Variants in BRWD3 observed in about 807,000 individuals in gnomAD.
The protein encoded by BRWD3 is bromodomain and WD repeat domain containing 3, also known as bromodomain and WD repeat-containing protein 3.
Under a neutral mutation model 149.7 loss-of-function variants are expected in BRWD3, and 10 were observed. That is an observed-to-expected ratio of 0.07 (90% CI 0.04 to 0.11). The LOEUF is 0.11. Among genes scored for constraint, BRWD3 ranks in the 10% least tolerant of loss-of-function variants. The pLI, the probability that BRWD3 is intolerant of heterozygous loss-of-function variation, is 1.00. For missense variants in BRWD3, 940 were observed against 1,373.2 expected (o/e 0.68, Z 4.99); for synonymous variants, 504 against 456.7 (o/e 1.10, Z -1.32).
chrX:80,700,150 T>G, intron 24 of BRWD3, 86 bp from the exon 25 acceptor site: 1 of 661,303 alleles, frequency 1.5e-6, no homozygotes, highest in Non-Finnish European at 2.3e-6. Flanking sequence ...CATCCTCTTC[T>G]GTTTGCAGAA....
chrX:80,791,709 T>C (rs2074184015), intron 6 of BRWD3, 145 bp downstream of exon 6: 2 of 438,864 alleles, frequency 4.6e-6, no homozygotes, highest in Admixed American at 8.2e-5. Context: ...GTTTTAAAAA[T>C]CTGGACTAGC....
At chrX:80,801,214 C>CTTTTTT (rs763933804) in intron 4 of BRWD3, among the ~76,000 whole-genome samples, 10 of 57,374 alleles carry the variant, frequency 1.7e-4, no homozygotes, top group Admixed American at 2.9e-4. Context: ...GAGAAAACAT[C>CTTTTTT]TTTTTTTTTT....
chrX:80,802,533 T>G (rs890203365), intron 4 of BRWD3, among the ~76,000 whole-genome samples: 1 of 108,369 alleles, frequency 9.2e-6, no homozygotes, highest in Non-Finnish European at 1.9e-5. Flanking sequence ...TCTGGGGTCA[T>G]AGTTCTCCAG....
At chrX:80,725,283 G>T (rs887026158) in intron 14 of BRWD3, among the ~76,000 whole-genome samples, 2 of 111,795 alleles carry the variant, frequency 1.8e-5, no homozygotes, top group Admixed American at 1.9e-4. Context: ...AGAAGACCCA[G>T]AAATGTTTTT....
intron 27 of BRWD3, among the ~76,000 whole-genome samples, chrX:80,695,386 G>GT (rs756702074): frequency 8.9e-6 from 1 of 111,897 alleles, no homozygotes; most frequent in South Asian, 3.7e-4. Context: ...AAAGTTGATA[G>GT]TTTAAAAATC....
chrX:80,700,279 A>T (rs1212857715), intron 24 of BRWD3, among the ~76,000 whole-genome samples: 1 of 106,840 alleles, frequency 9.4e-6, no homozygotes, highest in Non-Finnish European at 1.9e-5. Context: ...CAGTAAACAC[A>T]GTCCTTTCCC....
chrX:80,697,454 T>C lies in BRWD3; in HGVS notation c.2944-591A>G, dbSNP rs182400877. Reference sequence around the variant, plus strand: ...AACCACTGTAACAAATAGCTAAGTTTTTAACCCCTATCCCCCTCCTAATCT... The same window carrying C: ...AACCACTGTAACAAATAGCTAAGTTCTTAACCCCTATCCCCCTCCTAATCT... On this transcript the variant is annotated intron_variant, in intron 25 of 40. Coordinates refer to ENST00000373275, the MANE Select transcript of BRWD3 (RefSeq NM_153252.5). Among the ~76,000 whole-genome samples, 385 of 111,215 alleles carry C rather than the reference T, an allele frequency of 3.5e-3. 3 individuals carry two copies. Among genetic ancestry groups the C allele is most frequent in the African/African-American group, 0.012 (364 of 30,570 alleles).
At chrX:80,682,189 G>C in intron 38 of BRWD3, 95 bp from the exon 39 acceptor site, 1 of 719,683 alleles carries the variant, frequency 1.4e-6, no homozygotes, top group Non-Finnish European at 2.1e-6. Context: ...TCAAGGTCAG[G>C]TATTAGCTGG....
At chrX:80,754,495 T>C (rs2073712435) in intron 6 of BRWD3, among the ~76,000 whole-genome samples, 1 of 111,795 alleles carries the variant, frequency 8.9e-6, no homozygotes, top group South Asian at 3.7e-4. Flanking sequence ...GGATGCCTTT[T>C]ATTTCTTCTC....
intron 8 of BRWD3, among the ~76,000 whole-genome samples, chrX:80,740,723 T>C (rs1015034440): frequency 5.4e-5 from 6 of 111,633 alleles, no homozygotes; most frequent in African/African-American, 2.0e-4. Flanking sequence ...CACTCCAGCA[T>C]GGGTGACAAC....
rs1487729207 is a variant in BRWD3 at position 80,733,443 on chromosome X, A to T, written c.1127+13T>A. 2.3e-5 allele frequency: 27 copies of T among 1,167,188 alleles called. No homozygotes were observed. The highest frequency in any genetic ancestry group is 3.0e-5 in the Non-Finnish European group (26 of 858,197). ...CAAACATTTGTTTACACAAATATGTATTACATAATTACCTGTCTCCATTGT... is the reference window on the plus strand; with the variant it reads ...CAAACATTTGTTTACACAAATATGTTTTACATAATTACCTGTCTCCATTGT... On this transcript the variant is annotated intron_variant, in intron 12 of 40. Transcript: ENST00000373275.
intron 18 of BRWD3, among the ~76,000 whole-genome samples, chrX:80,719,256 G>C (rs944304740): frequency 5.4e-5 from 6 of 111,445 alleles, no homozygotes; most frequent in African/African-American, 1.6e-4. Flanking sequence ...AAATTACTGA[G>C]TAAAAAGAAG....
chrX:80,709,929 T>A, intron 20 of BRWD3: 1 of 898,416 alleles, frequency 1.1e-6, no homozygotes, highest in East Asian at 3.1e-5. Flanking sequence ...GGAACCACAT[T>A]TAGAAACCAG....
In BRWD3 at chrX:80,719,768, G is replaced by A. The variant is rs748375802; in HGVS notation, c.1877-112C>T. ...CAAATGATTAAAAACAGCATTAAACGTAAAATAAAGTATATATCAAATGAA... is the reference window on the plus strand; with the variant it reads ...CAAATGATTAAAAACAGCATTAAACATAAAATAAAGTATATATCAAATGAA... On this transcript the variant is annotated intron_variant, in intron 17 of 40. Transcript: ENST00000373275. The A allele has an allele frequency of 8.8e-4, 621 of 702,498 alleles. 1 individual carries two copies. The highest frequency in any genetic ancestry group is 1.6e-3 in the Admixed American group (63 of 40,262). 57.9% of individuals were successfully genotyped at this position (702,498 alleles called of 1,213,427 possible).
chrX:80,762,490 C>T (rs754594513), intron 6 of BRWD3, among the ~76,000 whole-genome samples: 3 of 109,730 alleles, frequency 2.7e-5, no homozygotes, highest in South Asian at 3.9e-4. Context: ...GGATCTAAAG[C>T]GGTGAACTCC....
intron 8 of BRWD3, among the ~76,000 whole-genome samples, chrX:80,740,255 G>A (rs760981422): frequency 8.5e-4 from 95 of 111,681 alleles, no homozygotes; most frequent in Non-Finnish European, 1.5e-3. Context: ...TCCAAAAGTG[G>A]TCTCTTTCTC....
Position 80,685,516 on chromosome X carries a change from T to G in BRWD3, c.4026A>C (p.Gly1342=). Reference sequence around the variant, plus strand: ...CTGGAACAACAGACTCTGAGGATTCTCCCTCTTGCTCCTGATGACCCTATT... The same window carrying G: ...CTGGAACAACAGACTCTGAGGATTCGCCCTCTTGCTCCTGATGACCCTATT... The part of the protein sequence containing the change: ...LSYPGHQEQE[G]ESSESVVPER... Residue 1342 remains glycine, a synonymous_variant, in exon 36 of 41, where the codon GGA becomes GGC. Coordinates refer to ENST00000373275, the MANE Select transcript of BRWD3 (RefSeq NM_153252.5). 8.3e-7 allele frequency: 1 copy of G among 1,206,865 alleles called. No homozygotes were observed. Among genetic ancestry groups the G allele is most frequent in the Non-Finnish European group, 1.1e-6 (1 of 891,697 alleles).
intron 6 of BRWD3, among the ~76,000 whole-genome samples, chrX:80,775,467 T>A (rs1365873308): frequency 8.9e-6 from 1 of 112,185 alleles, no homozygotes; most frequent in Non-Finnish European, 1.9e-5. Flanking sequence ...TATTATCTCA[T>A]GTCTTATTTA....
chrX:80,733,400 A>T, intron 12 of BRWD3, 56 bp downstream of exon 12: 6 of 943,841 alleles, frequency 6.4e-6, no homozygotes, highest in Non-Finnish European at 7.6e-6. Context: ...CATCTGAGGG[A>T]ATGGTAGTAA....
Sources: gnomAD v4.1 joint callset for allele counts (sites outside exome capture counted in the v4.1 genomes callset) on GRCh38, gnomAD v4.1.1 for gene constraint, MANE v1.5 for transcripts, NCBI Gene and HGNC (gene_info 2026-07-23, HGNC 2026-07-21) for gene names.